STARD13: variants seen among roughly 807,000 people sequenced by gnomAD.
STARD13 encodes stAR-related lipid transfer protein 13.
Under a neutral mutation model 106.4 loss-of-function variants are expected in STARD13, and 62 were observed. The observed-to-expected ratio is 0.58, with a 90% CI of 0.48 to 0.72. The LOEUF (loss-of-function observed/expected upper bound fraction) is 0.72, where lower values mean the gene tolerates loss of function less well. Among genes scored for constraint, STARD13 ranks in the 30% least tolerant of loss-of-function variants. STARD13 has a pLI of 0.00. For synonymous variants in STARD13, 565 were observed against 553.0 expected (o/e 1.02, Z -0.31); for missense variants, 1,387 against 1,424.0 (o/e 0.97, Z 0.42).
At chr13:33,109,247 C>T (rs1481564722) in intron 12 of STARD13, among the ~76,000 whole-genome samples, 2 of 152,186 alleles carry the variant, frequency 1.3e-5, no homozygotes, top group Non-Finnish European at 2.9e-5. Context: ...TGCATCTCTA[C>T]TGTGCAAACT....
intron 1 of STARD13, among the ~76,000 whole-genome samples, chr13:33,297,312 A>C (rs748584313): frequency 6.6e-6 from 1 of 152,202 alleles, no homozygotes; most frequent in Non-Finnish European, 1.5e-5. Flanking sequence ...CTAATCAATC[A>C]CAAGAGAATA....
chr13:33,111,497 T>C (rs1183521950), intron 10 of STARD13, among the ~76,000 whole-genome samples: 1 of 152,162 alleles, frequency 6.6e-6, no homozygotes, highest in African/African-American at 2.4e-5. Flanking sequence ...TAAAATCAAA[T>C]AGAACATAAT....
chr13:33,480,800 A>G, the STARD13 span, among the ~76,000 whole-genome samples: 1,473 of 152,276 alleles, frequency 9.7e-3, 26 homozygotes, highest in African/African-American at 0.034. Context: ...ATTTTGACTA[A>G]AAGGAAAGAG....
At chr13:33,262,788 A>T (rs1261848051) in intron 1 of STARD13, among the ~76,000 whole-genome samples, 4 of 151,990 alleles carry the variant, frequency 2.6e-5, no homozygotes, top group Admixed American at 6.6e-5. Flanking sequence ...CACTCTGCTC[A>T]TGTAAGCCCT....
chr13:33,207,441 A>G (rs1887483000), intron 1 of STARD13, among the ~76,000 whole-genome samples: 1 of 152,252 alleles, frequency 6.6e-6, no homozygotes, highest in African/African-American at 2.4e-5. Context: ...TCACTCTAAG[A>G]GAGGGAGTAT....
chr13:33,126,697 A>G (rs2858824), intron 6 of STARD13, among the ~76,000 whole-genome samples: 83,315 of 151,830 alleles, frequency 0.55, 23,798 homozygotes, highest in Non-Finnish European at 0.63. Context: ...TTTTCAAAGG[A>G]CATTTTAATA....
chr13:33,393,146 A>C, the STARD13 span, among the ~76,000 whole-genome samples: 1 of 152,200 alleles, frequency 6.6e-6, no homozygotes, highest in Admixed American at 6.5e-5. Flanking sequence ...GTAGTTTGAA[A>C]AATTTATTTG....
the STARD13 span, among the ~76,000 whole-genome samples, chr13:33,499,614 TTCTTCTTCTTCTTC>T: frequency 9.1e-4 from 72 of 78,952 alleles, 1 homozygote; most frequent in Admixed American, 1.9e-3. Flanking sequence ...TTTCTTCTTC[TTCTTCTTCTTCTTC>T]TTCTTCTTCT....
chr13:33,564,206 CAAA>C, the STARD13 span, among the ~76,000 whole-genome samples: 5 of 53,856 alleles, frequency 9.3e-5, no homozygotes, highest in Non-Finnish European at 7.8e-5. Context: ...GACTGTATCT[CAAA>C]AAAAAAAAAA....
chr13:33,232,413 C>G (rs1888970160), intron 1 of STARD13, among the ~76,000 whole-genome samples: 1 of 151,214 alleles, frequency 6.6e-6, no homozygotes, highest in African/African-American at 2.4e-5. Context: ...AATTTTTTTT[C>G]AAATATTTTT....
chr13:33,621,619 G>A, the STARD13 span, among the ~76,000 whole-genome samples: 1 of 139,812 alleles, frequency 7.2e-6, no homozygotes, highest in African/African-American at 2.7e-5. Flanking sequence ...GGCAGAGCTT[G>A]CAGTGAGCCG....
At chr13:33,146,653 G>A (rs523523) in intron 3 of STARD13, among the ~76,000 whole-genome samples, 70,686 of 151,968 alleles carry the variant, frequency 0.47, 16,644 homozygotes, top group East Asian at 0.58. Context: ...AAGGTTAAGT[G>A]AAAACCTCCA....
chr13:33,196,720 A>G (rs1370817611), intron 1 of STARD13, among the ~76,000 whole-genome samples: 1 of 152,254 alleles, frequency 6.6e-6, no homozygotes, highest in East Asian at 1.9e-4. Flanking sequence ...GGAACCACAA[A>G]GAGAAAATAT....
chr13:33,293,827 C>CT (rs1366111136), intron 1 of STARD13, among the ~76,000 whole-genome samples: 2 of 152,214 alleles, frequency 1.3e-5, no homozygotes, highest in Non-Finnish European at 2.9e-5. Context: ...ACATTGGACT[C>CT]TAAGTTCTTC....
At chr13:33,607,268 G>A in the STARD13 span, among the ~76,000 whole-genome samples, 1 of 151,108 alleles carries the variant, frequency 6.6e-6, no homozygotes, top group Non-Finnish European at 1.5e-5. Context: ...TTAAGATTAC[G>A]AGTGAGTTAG....
At chr13:33,198,247 C>G (rs796839961) in intron 1 of STARD13, among the ~76,000 whole-genome samples, 9 of 152,314 alleles carry the variant, frequency 5.9e-5, no homozygotes, top group African/African-American at 2.2e-4. Context: ...TCTAAATTGT[C>G]TTTGACTTAT....
At chr13:33,663,517 G>C in the STARD13 span, among the ~76,000 whole-genome samples, 45 of 152,076 alleles carry the variant, frequency 3.0e-4, 1 homozygote, top group Non-Finnish European at 5.9e-5. Context: ...ATAAGGAAAC[G>C]CCTTTGTCAT....
intron 1 of STARD13, chr13:33,335,354 T>A (rs184879927): frequency 6.6e-6 from 1 of 152,224 alleles, no homozygotes; most frequent in Non-Finnish European, 1.5e-5. Flanking sequence ...GCCAGCTCCC[T>A]CTGTGACACC....
At chr13:33,397,592 T>C in the STARD13 span, among the ~76,000 whole-genome samples, 22 of 152,206 alleles carry the variant, frequency 1.4e-4, no homozygotes, top group South Asian at 4.6e-3. Context: ...AGTTTGACAG[T>C]TTTAGTGATG....
Sources: allele counts gnomAD v4.1 joint callset (sites outside exome capture counted in the v4.1 genomes callset), GRCh38; gene constraint gnomAD v4.1.1; transcripts MANE v1.5; gene names NCBI Gene and HGNC (gene_info 2026-07-23, HGNC 2026-07-21).